The following C1orf21 variants were observed in gnomAD, a reference collection of about 807,000 sequenced individuals.
C1orf21 encodes the protein uncharacterized protein C1orf21.
In C1orf21, 3 loss-of-function variants were observed where a neutral mutation model predicts 18.7. That is an observed-to-expected ratio of 0.16 (90% CI 0.07 to 0.42). C1orf21 has a LOEUF of 0.42. Among genes scored for constraint, C1orf21 ranks in the 10% least tolerant of loss-of-function variants. The pLI is 0.99. For synonymous variants in C1orf21, 41 were observed against 46.4 expected (o/e 0.88, Z 0.47); for missense variants, 104 against 143.6 (o/e 0.72, Z 1.41).
chr1:184,431,233 A>G (rs1188835116), intron 1 of C1orf21, among the ~76,000 whole-genome samples: 1 of 152,238 alleles, frequency 6.6e-6, no homozygotes. Context: ...ACAAGGCTAC[A>G]GTAACCAAAA....
chr1:184,598,584 A>AAT (rs1659548103), intron 5 of C1orf21, 123 bp downstream of exon 5: 2 of 982,822 alleles, frequency 2.0e-6, no homozygotes, highest in African/African-American at 3.3e-5. Flanking sequence ...TTGGGTGGAG[A>AAT]GTTAAATAAA....
chr1:184,534,109 C>T (rs1047226567), intron 3 of C1orf21, among the ~76,000 whole-genome samples: 1 of 152,132 alleles, frequency 6.6e-6, no homozygotes, highest in African/African-American at 2.4e-5. Flanking sequence ...CTTTCTTTCC[C>T]GTCTCTGATA....
intron 4 of C1orf21, among the ~76,000 whole-genome samples, chr1:184,591,822 A>G (rs928734619): frequency 6.6e-6 from 1 of 152,084 alleles, no homozygotes; most frequent in African/African-American, 2.4e-5. Flanking sequence ...AAAAAAAAAA[A>G]AGAAAATATA....
chr1:184,436,282 TC>T (rs1557971774), intron 1 of C1orf21, among the ~76,000 whole-genome samples: 1 of 152,038 alleles, frequency 6.6e-6, no homozygotes, highest in Non-Finnish European at 1.5e-5. Context: ...ATGGAGTAGT[TC>T]TTATTTTACG....
intron 1 of C1orf21, among the ~76,000 whole-genome samples, chr1:184,423,109 T>G (rs919765835): frequency 9.2e-5 from 14 of 152,336 alleles, no homozygotes; most frequent in Middle Eastern, 3.4e-3. Flanking sequence ...GGAGACAATG[T>G]GTATCGGGAT....
intron 1 of C1orf21, among the ~76,000 whole-genome samples, chr1:184,423,305 A>G (rs1387402587): frequency 3.3e-5 from 5 of 152,246 alleles, no homozygotes; most frequent in Non-Finnish European, 7.3e-5. Flanking sequence ...AATCTATGCA[A>G]TAATGTACAA....
chr1:184,546,203 G>A (rs1445241095), intron 3 of C1orf21, among the ~76,000 whole-genome samples: 2 of 152,182 alleles, frequency 1.3e-5, no homozygotes, highest in Non-Finnish European at 2.9e-5. Context: ...GAGAGGCCAA[G>A]GTGGGCATAT....
rs965480064 is a variant in C1orf21 at position 184,387,063 on chromosome 1, T to G, written c.-430T>G. On this transcript the variant is annotated 5_prime_UTR_variant, in exon 1 of 6. Transcript: ENST00000235307. The surrounding 1 kb of genome is among the most constrained non-coding windows in gnomAD (Gnocchi z 5.6). ...AAGCTCCCGCTCGCTCCCTGCCCAC[T>G]CCCGGGGGGACGTTCCGTGCCGCGG... 1 of 150,662 alleles carries G rather than the reference T, an allele frequency of 6.6e-6. No individual in the cohort carries two copies. The allele number at this position is 150,662 out of a possible 1,614,324, so 9.3% of individuals were successfully genotyped here.
At chr1:184,469,069 T>C (rs1054263287) in intron 1 of C1orf21, among the ~76,000 whole-genome samples, 1 of 150,458 alleles carries the variant, frequency 6.6e-6, no homozygotes, top group Non-Finnish European at 1.5e-5. Flanking sequence ...ACCCTGTCTC[T>C]ACTAAAAATA....
Position 184,462,646 on chromosome 1 carries a change from T to TG in C1orf21, c.-124-14733dup, listed in dbSNP as rs869069849. Among the ~76,000 whole-genome samples the TG allele has an allele frequency of 3.3e-5, 5 of 152,152 alleles. No homozygotes were observed. The South Asian group carries it at 8.3e-4, about 25-fold the overall frequency. On this transcript the variant is annotated intron_variant, in intron 1 of 5. Transcript: ENST00000235307. ...AAAGCAGCTGCTATTCATATTTTTT[T>TG]GGGGGGGAATACAGGGAAATATAAA...
At chr1:184,474,207 A>G (rs1455109607) in intron 1 of C1orf21, among the ~76,000 whole-genome samples, 3 of 152,348 alleles carry the variant, frequency 2.0e-5, no homozygotes, top group East Asian at 3.9e-4. Context: ...AAAATAATGT[A>G]GCACATATGT....
intron 1 of C1orf21, 128 bp from the exon 2 acceptor site, chr1:184,477,255 CACA>C (rs1657584465): frequency 2.6e-6 from 1 of 381,210 alleles, no homozygotes; most frequent in Admixed American, 4.4e-5. Flanking sequence ...CTGTGCCCAC[CACA>C]ACACCAGTGC....
chr1:184,445,972 T>TA (rs1478714244), intron 1 of C1orf21, among the ~76,000 whole-genome samples: 2 of 152,180 alleles, frequency 1.3e-5, no homozygotes, highest in Non-Finnish European at 2.9e-5. Flanking sequence ...ACAAAATAGT[T>TA]ACCCATATGG....
At chr1:184,499,826 A>T (rs149333722) in intron 2 of C1orf21, among the ~76,000 whole-genome samples, 283 of 152,322 alleles carry the variant, frequency 1.9e-3, no homozygotes, top group African/African-American at 6.3e-3. Context: ...TAGGGTAGAC[A>T]TGAGGATTAA....
chr1:184,508,709 A>C (rs907919638), intron 3 of C1orf21, among the ~76,000 whole-genome samples: 1 of 152,178 alleles, frequency 6.6e-6, no homozygotes, highest in African/African-American at 2.4e-5. Flanking sequence ...CAACAAGTGA[A>C]TATTTTAGAT....
At chr1:184,446,346 T>A (rs1332730906) in intron 1 of C1orf21, among the ~76,000 whole-genome samples, 1 of 152,154 alleles carries the variant, frequency 6.6e-6, no homozygotes, top group Non-Finnish European at 1.5e-5. Flanking sequence ...CCTTTTTTAC[T>A]GGCTTCTTTC....
chr1:184,571,727 T>G (rs1659116570), intron 3 of C1orf21, among the ~76,000 whole-genome samples: 1 of 152,216 alleles, frequency 6.6e-6, no homozygotes, highest in African/African-American at 2.4e-5. Flanking sequence ...CATCATTAGA[T>G]ATTGGAACAT....
At chr1:184,420,091 T>C (rs1169655633) in intron 1 of C1orf21, among the ~76,000 whole-genome samples, 2 of 152,150 alleles carry the variant, frequency 1.3e-5, no homozygotes, top group East Asian at 3.9e-4. Context: ...AAATCCTGGG[T>C]CTGCTGCCAT....
chr1:184,473,831 T>C (rs1657530764), intron 1 of C1orf21, among the ~76,000 whole-genome samples: 1 of 152,186 alleles, frequency 6.6e-6, no homozygotes, highest in Non-Finnish European at 1.5e-5. Flanking sequence ...GCAAAACTGG[T>C]CTTTCTAATT....
Sources: gnomAD v4.1 joint callset for allele counts (sites outside exome capture counted in the v4.1 genomes callset) on GRCh38, gnomAD v4.1.1 for gene constraint, Gnocchi (gnomAD v3.1) non-coding constraint, MANE v1.5 for transcripts, NCBI Gene and HGNC (gene_info 2026-07-23, HGNC 2026-07-21) for gene names.